The following DCLK1 variants were observed in gnomAD, a reference collection of about 807,000 sequenced individuals.
DCLK1 encodes the protein doublecortin like kinase 1, also known as serine/threonine-protein kinase DCLK1.
DCLK1 carries 16 observed loss-of-function variants against 86.2 expected under a neutral mutation model. The ratio of observed to expected loss-of-function variants is 0.19; its 90% confidence interval spans 0.13 to 0.28. The LOEUF (loss-of-function observed/expected upper bound fraction) is 0.28. Ranked by LOEUF, DCLK1 falls within the 10% of genes least tolerant of loss-of-function variation. The probability of loss-of-function intolerance (pLI) is 1.00; values close to 1 mark genes in which losing one functional copy is unlikely to be tolerated. For synonymous variants in DCLK1, 369 were observed against 370.5 expected, an observed-to-expected ratio of 1.00 and a Z score of 0.05; for missense variants, 590 against 940.2, an observed-to-expected ratio of 0.63 and a Z score of 4.87.
At chr13:36,093,916 A>C (rs1968515398) in intron 3 of DCLK1, among the ~76,000 whole-genome samples, 1 of 150,438 alleles carries the variant, frequency 6.6e-6, no homozygotes, top group Non-Finnish European at 1.5e-5. Context: ...ATTTAAGCAC[A>C]AAAAATTATT....
chr13:35,956,090 T>G (rs1877961371), intron 3 of DCLK1, among the ~76,000 whole-genome samples: 1 of 152,178 alleles, frequency 6.6e-6, no homozygotes, highest in Admixed American at 6.5e-5. Context: ...CTCACCTACT[T>G]GCCCCTCTTT....
intron 5 of DCLK1, among the ~76,000 whole-genome samples, chr13:35,866,341 C>T (rs911293510): frequency 4.6e-5 from 7 of 152,104 alleles, no homozygotes; most frequent in African/African-American, 9.6e-5. Flanking sequence ...CTTTATAATA[C>T]GCTCCAATTT....
chr13:36,018,216 G>A (rs1881618389), intron 3 of DCLK1, among the ~76,000 whole-genome samples: 2 of 152,158 alleles, frequency 1.3e-5, no homozygotes, highest in African/African-American at 4.8e-5. Flanking sequence ...CAATTGTCAT[G>A]TGTACCCTAT....
chr13:35,795,246 A>C (rs1268099355), intron 15 of DCLK1, among the ~76,000 whole-genome samples: 2 of 152,144 alleles, frequency 1.3e-5, no homozygotes, highest in African/African-American at 2.4e-5. Context: ...GGTGTGTGCA[A>C]GTGGGAAGCC....
At chr13:36,006,089 G>A (rs4941824) in intron 3 of DCLK1, among the ~76,000 whole-genome samples, 17,148 of 152,048 alleles carry the variant, frequency 0.11, 977 homozygotes, top group Non-Finnish European at 0.12. Context: ...CCTAGATGAC[G>A]GGTTGATGGG....
chr13:36,088,288 G>C (rs1296779423), intron 3 of DCLK1, among the ~76,000 whole-genome samples: 4 of 152,206 alleles, frequency 2.6e-5, no homozygotes, highest in Non-Finnish European at 5.9e-5. Context: ...CAGCTGAAGA[G>C]GAGGCACTGA....
intron 1 of DCLK1, 99 bp downstream of exon 1, chr13:36,131,015 T>A (rs1385106258): frequency 6.7e-6 from 1 of 149,518 alleles, no homozygotes; most frequent in East Asian, 2.0e-4. Context: ...GCGCCCGCCC[T>A]GCCCTCGGCG....
At chr13:35,929,288 CAAAT>C (rs1458889093) in intron 4 of DCLK1, among the ~76,000 whole-genome samples, 1 of 151,982 alleles carries the variant, frequency 6.6e-6, no homozygotes, top group East Asian at 1.9e-4. Context: ...GTGAAACAAA[CAAAT>C]AAAAAAAGGT....
intron 3 of DCLK1, among the ~76,000 whole-genome samples, chr13:36,029,557 C>A (rs889358058): frequency 6.6e-6 from 1 of 152,140 alleles, no homozygotes; most frequent in African/African-American, 2.4e-5. Flanking sequence ...CTAGACTCTA[C>A]TAAACAAAGC....
intron 3 of DCLK1, among the ~76,000 whole-genome samples, chr13:36,047,953 G>C (rs545379746): frequency 4.7e-4 from 71 of 152,174 alleles, no homozygotes; most frequent in African/African-American, 1.6e-3. Context: ...GTGAGACCTT[G>C]TCTCTAAAAA....
At chr13:35,885,982 T>G (rs552723810) in intron 4 of DCLK1, among the ~76,000 whole-genome samples, 2 of 151,592 alleles carry the variant, frequency 1.3e-5, no homozygotes, top group Non-Finnish European at 2.9e-5. Context: ...CAGGGAAAGC[T>G]GCTAGATAAA....
At chr13:35,862,923 A>G (rs1264095977) in intron 5 of DCLK1, among the ~76,000 whole-genome samples, 1 of 152,192 alleles carries the variant, frequency 6.6e-6, no homozygotes, top group Non-Finnish European at 1.5e-5. Context: ...GTACCACAAA[A>G]CAATGTTTTG....
intron 3 of DCLK1, among the ~76,000 whole-genome samples, chr13:35,990,145 T>C (rs939638154): frequency 1.3e-5 from 2 of 152,238 alleles, no homozygotes; most frequent in Admixed American, 1.3e-4. Flanking sequence ...AATGTCTTCC[T>C]ATTTAAACCA....
chr13:35,775,000 G>A (rs936300801), intron 16 of DCLK1, among the ~76,000 whole-genome samples: 14 of 152,102 alleles, frequency 9.2e-5, no homozygotes, highest in Non-Finnish European at 1.9e-4. Flanking sequence ...TACCCTTGGT[G>A]GCTCCTAGGC....
rs2086389280 is a variant in DCLK1 at position 35,774,553 on chromosome 13, G to C, written c.2205C>G (p.Ser735=). 1 of 1,555,256 alleles carries C rather than the reference G, an allele frequency of 6.4e-7. No individual in the cohort carries two copies. Among genetic ancestry groups the C allele is most frequent in the Non-Finnish European group, 8.7e-7 (1 of 1,148,540 alleles). ...YSPSSSETVR[S]PNSPF ...GGTCTTATTAAAAGGGCGAGTTAGG[G>C]GAGCGAACAGTCTCGGAGGAGCTTG... The change falls in exon 17 of 17, where the codon TCC becomes TCG. Residue 735 remains serine, a synonymous_variant. Transcript: ENST00000360631.
chr13:36,070,171 TCCTAAAGTGG>T (rs1883917036), intron 3 of DCLK1, among the ~76,000 whole-genome samples: 2 of 152,136 alleles, frequency 1.3e-5, no homozygotes. Flanking sequence ...TCCAAAAACA[TCCTAAAGTGG>T]CTGCAGTCCC....
At chr13:35,845,921 T>C (rs1870141372) in intron 6 of DCLK1, 3 of 985,078 alleles carry the variant, frequency 3.0e-6, no homozygotes, top group Admixed American at 6.1e-5. Flanking sequence ...CTGTTTATTA[T>C]ATAGTTATTC....
intron 5 of DCLK1, among the ~76,000 whole-genome samples, chr13:35,867,945 GAA>G (rs1296364325): frequency 7.1e-6 from 1 of 140,670 alleles, no homozygotes. Flanking sequence ...AAGAAAGAAA[GAA>G]AGAAAGAAAG....
intron 10 of DCLK1, among the ~76,000 whole-genome samples, chr13:35,823,981 C>A (rs755311165): frequency 2.6e-5 from 4 of 152,042 alleles, no homozygotes; most frequent in Non-Finnish European, 5.9e-5. Context: ...GTTTTTTCAA[C>A]TTTCTGCTTC....
Sources: allele counts gnomAD v4.1 joint callset (sites outside exome capture counted in the v4.1 genomes callset), GRCh38; gene constraint gnomAD v4.1.1; transcripts MANE v1.5; gene names NCBI Gene and HGNC (gene_info 2026-07-23, HGNC 2026-07-21).